Variants in RAB11FIP4 observed in about 807,000 individuals in gnomAD.
The protein encoded by RAB11FIP4 is RAB11 family interacting protein 4.
A neutral mutation model predicts 74.3 loss-of-function variants in RAB11FIP4; 23 were observed. That is an observed-to-expected ratio of 0.31 (90% CI 0.22 to 0.44). RAB11FIP4 has a LOEUF of 0.44. RAB11FIP4 is among the 20% of genes least tolerant of loss of function. RAB11FIP4 has a pLI of 1.00. For synonymous variants in RAB11FIP4, 360 were observed against 359.9 expected (o/e 1.00, Z 0.00); for missense variants, 630 against 863.9 (o/e 0.73, Z 3.39).
intron 3 of RAB11FIP4, among the ~76,000 whole-genome samples, chr17:31,479,885 A>C (rs2071829883): frequency 6.6e-6 from 1 of 152,130 alleles, no homozygotes; most frequent in Admixed American, 6.5e-5. Context: ...CCCATTGGTG[A>C]AATGGGATCC....
chr17:31,427,991 T>C (rs12941005), intron 1 of RAB11FIP4, among the ~76,000 whole-genome samples: 12,344 of 152,264 alleles, frequency 0.081, 656 homozygotes, highest in Middle Eastern at 0.15. Context: ...AGGTCTTTCC[T>C]GAGAGCCCAC....
chr17:31,445,678 TG>T (rs1430254271), intron 3 of RAB11FIP4, among the ~76,000 whole-genome samples: 1 of 147,448 alleles, frequency 6.8e-6, no homozygotes, highest in Non-Finnish European at 1.5e-5. Flanking sequence ...CTCCGCCTCC[TG>T]GGTTCAAACG....
At chr17:31,492,881 C>T (rs2142755775) in intron 3 of RAB11FIP4, among the ~76,000 whole-genome samples, 1 of 151,952 alleles carries the variant, frequency 6.6e-6, no homozygotes, top group East Asian at 1.9e-4. Context: ...AGCTCAGATT[C>T]TCAGAACCCC....
At chr17:31,496,189 G>C (rs2072112646) in intron 3 of RAB11FIP4, among the ~76,000 whole-genome samples, 2 of 152,160 alleles carry the variant, frequency 1.3e-5, no homozygotes, top group African/African-American at 4.8e-5. Context: ...TTATATGAGG[G>C]GACCCTGATG....
chr17:31,448,708 C>CT (rs2071494297), intron 3 of RAB11FIP4, among the ~76,000 whole-genome samples: 1 of 152,066 alleles, frequency 6.6e-6, no homozygotes, highest in African/African-American at 2.4e-5. Context: ...TCAAGGAGGC[C>CT]TGATTCCAGC....
chr17:31,412,028 G>C (rs573121021), intron 1 of RAB11FIP4, among the ~76,000 whole-genome samples: 1 of 152,360 alleles, frequency 6.6e-6, no homozygotes, highest in African/African-American at 2.4e-5. Flanking sequence ...TCTGTTTGGG[G>C]ATGCTGAGTT....
intron 1 of RAB11FIP4, among the ~76,000 whole-genome samples, chr17:31,423,666 C>A (rs939872081): frequency 6.6e-6 from 1 of 151,694 alleles, no homozygotes; most frequent in African/African-American, 2.4e-5. Flanking sequence ...AGTATACATA[C>A]TCCAGGGGCC....
chr17:31,487,886 G>GC (rs1298160479), intron 3 of RAB11FIP4: 9 of 247,524 alleles, frequency 3.6e-5, no homozygotes, highest in South Asian at 1.5e-4. Flanking sequence ...GGAGCCACCT[G>GC]CCCCTACCTT....
At chr17:31,473,026 C>T (rs1466405719) in intron 3 of RAB11FIP4, among the ~76,000 whole-genome samples, 8 of 150,248 alleles carry the variant, frequency 5.3e-5, no homozygotes, top group Admixed American at 2.7e-4. Context: ...GAGCAAGACT[C>T]GTCTCAAAAA....
intron 6 of RAB11FIP4, 72 bp downstream of exon 6, chr17:31,522,121 G>A (rs1257521277): frequency 6.3e-7 from 1 of 1,587,402 alleles, no homozygotes; most frequent in South Asian, 1.1e-5. Flanking sequence ...GAAGCTACGG[G>A]CATGGCGAGG....
chr17:31,516,587 A>T (rs1407517959), intron 3 of RAB11FIP4, among the ~76,000 whole-genome samples: 1 of 152,226 alleles, frequency 6.6e-6, no homozygotes, highest in Non-Finnish European at 1.5e-5. Flanking sequence ...CTCCTGCCTC[A>T]GCCTCCCGAG....
At chr17:31,503,315 G>C (rs533922196) in intron 3 of RAB11FIP4, among the ~76,000 whole-genome samples, 1 of 149,878 alleles carries the variant, frequency 6.7e-6, no homozygotes, top group South Asian at 2.1e-4. Context: ...TTGTAGGTGT[G>C]AGCCTGCAGT....
At chr17:31,483,921 CAGAG>C (rs1200827695) in intron 3 of RAB11FIP4, among the ~76,000 whole-genome samples, 7 of 152,002 alleles carry the variant, frequency 4.6e-5, no homozygotes, top group African/African-American at 1.7e-4. Flanking sequence ...AAAATAGACA[CAGAG>C]AGGCCAGGCA....
intron 3 of RAB11FIP4, among the ~76,000 whole-genome samples, chr17:31,485,211 G>A (rs947132814): frequency 6.6e-6 from 1 of 152,194 alleles, no homozygotes; most frequent in Non-Finnish European, 1.5e-5. Flanking sequence ...AAGTGGAACC[G>A]GGCAGGCTTC....
At chr17:31,431,742 C>T in intron 1 of RAB11FIP4, 71 bp from the exon 2 acceptor site, 1 of 697,980 alleles carries the variant, frequency 1.4e-6, no homozygotes, top group Non-Finnish European at 2.5e-6. Flanking sequence ...CTCCCAGCCT[C>T]CCCACCCAGC....
chr17:31,499,401 G>A (rs530393433), intron 3 of RAB11FIP4, among the ~76,000 whole-genome samples: 53 of 151,934 alleles, frequency 3.5e-4, no homozygotes, highest in Admixed American at 6.6e-4. Flanking sequence ...CTGTCGCCAG[G>A]CTGGAGTACA....
chr17:31,432,127 T>C (rs2151627889), intron 2 of RAB11FIP4, among the ~76,000 whole-genome samples: 1 of 152,312 alleles, frequency 6.6e-6, no homozygotes, highest in East Asian at 1.9e-4. Context: ...ACTTCTGCCC[T>C]TCCCCTTGTC....
At chr17:31,453,792 C>CAAAAAAAAAAAAAAAA (rs555119408) in intron 3 of RAB11FIP4, among the ~76,000 whole-genome samples, 1 of 62,632 alleles carries the variant, frequency 1.6e-5, no homozygotes, top group Admixed American at 1.8e-4. Context: ...AGACTCGTCT[C>CAAAAAAAAAAAAAAAA]AAAAAAAAAA....
chr17:31,479,096 T>G (rs2071822235), intron 3 of RAB11FIP4, among the ~76,000 whole-genome samples: 1 of 152,228 alleles, frequency 6.6e-6, no homozygotes, highest in South Asian at 2.1e-4. Context: ...TTTCCTTATT[T>G]GTTTCATGAG....
Sources: allele counts gnomAD v4.1 joint callset (sites outside exome capture counted in the v4.1 genomes callset), GRCh38; gene constraint gnomAD v4.1.1; transcripts MANE v1.5; gene names NCBI Gene and HGNC (gene_info 2026-07-23, HGNC 2026-07-21).